CTNNA2: variants seen among roughly 807,000 people sequenced by gnomAD.
The protein encoded by CTNNA2 is catenin alpha 2.
Under a neutral mutation model 101.0 loss-of-function variants are expected in CTNNA2, and 42 were observed. The ratio of observed to expected loss-of-function variants is 0.42; its 90% confidence interval spans 0.32 to 0.54. CTNNA2 has a LOEUF of 0.54. Among genes scored for constraint, CTNNA2 ranks in the 20% least tolerant of loss-of-function variants. CTNNA2 has a pLI of 0.14. For missense variants in CTNNA2, 871 were observed against 1,223.1 expected (o/e 0.71, Z 4.29); for synonymous variants, 450 against 456.4 (o/e 0.99, Z 0.18).
Position 80,303,170 on chromosome 2 carries a change from T to C in CTNNA2, c.1057-90041T>C. On this transcript the variant is annotated intron_variant, in intron 7 of 18. Coordinates refer to ENST00000402739, the MANE Select transcript of CTNNA2 (RefSeq NM_001282597.3). This position sits in a 1 kb window ranked among gnomAD's most constrained non-coding sequence, Gnocchi z 7.7. Reference sequence around the variant, plus strand: ...GTTCACCTTGACCAAGTCGTTGTGCTCGAGGTGCAGCTCGGTGAGCTTAAA... The same window carrying C: ...GTTCACCTTGACCAAGTCGTTGTGCCCGAGGTGCAGCTCGGTGAGCTTAAA... 1 of 1,614,048 alleles carries C rather than the reference T, an allele frequency of 6.2e-7. No homozygotes were observed. Among genetic ancestry groups the C allele is most frequent in the Non-Finnish European group, 8.5e-7 (1 of 1,179,986 alleles).
chr2:79,998,582 G>A (rs1240982320), intron 7 of CTNNA2, among the ~76,000 whole-genome samples: 2 of 152,102 alleles, frequency 1.3e-5, no homozygotes, highest in Non-Finnish European at 2.9e-5. Flanking sequence ...AAAGGCTTTT[G>A]CAAAGATTTG....
intron 2 of CTNNA2, 68 bp downstream of exon 2, chr2:79,651,726 A>T: frequency 7.6e-7 from 1 of 1,310,346 alleles, no homozygotes; most frequent in African/African-American, 1.5e-5. Flanking sequence ...TGACTCTTGG[A>T]AAAACTTAGA....
At chr2:80,248,995 G>T (rs1279608296) in intron 7 of CTNNA2, among the ~76,000 whole-genome samples, 2 of 152,144 alleles carry the variant, frequency 1.3e-5, no homozygotes, top group African/African-American at 4.8e-5. Context: ...CGGTCAGGTG[G>T]CAGAGCCTGA....
chr2:80,214,580 C>G (rs1708129985), intron 7 of CTNNA2, among the ~76,000 whole-genome samples: 1 of 152,180 alleles, frequency 6.6e-6, no homozygotes, highest in Non-Finnish European at 1.5e-5. Flanking sequence ...GCCGAGAGAT[C>G]AGCTGTTAGT....
chr2:79,196,361 A>G (rs549913089), intron 1 of CTNNA2, among the ~76,000 whole-genome samples: 16 of 152,112 alleles, frequency 1.1e-4, no homozygotes, highest in Non-Finnish European at 2.4e-4. Flanking sequence ...CACTCACCCC[A>G]ACCTGCCATT....
At chr2:79,784,068 C>T (rs930823933) in intron 3 of CTNNA2, among the ~76,000 whole-genome samples, 4 of 152,062 alleles carry the variant, frequency 2.6e-5, no homozygotes, top group Non-Finnish European at 4.4e-5. Flanking sequence ...GAATAGATCA[C>T]GGTTTATATG....
chr2:80,402,694 G>C (rs1187162494), intron 8 of CTNNA2, among the ~76,000 whole-genome samples: 1 of 151,062 alleles, frequency 6.6e-6, no homozygotes, highest in African/African-American at 2.4e-5. Context: ...CAGGGCAGAG[G>C]TCTGAACGAG....
chr2:79,210,088 T>TTTTGTGTGTGTG lies in CTNNA2; in HGVS notation c.-406+12013_-406+12014insTTGTGTGTGTGT, dbSNP rs112984318. ...TTTGAGATTACAGAGTCAAGCTATA[T>TTTTGTGTGTGTG]TGTGTGTGTGTGTGTGTGTGTGTGT... On this transcript the variant is annotated intron_variant, in intron 2 of 21. Transcript: ENST00000466387. Among the ~76,000 whole-genome samples the TTTTGTGTGTGTG allele has an allele frequency of 1.2e-3, 176 of 144,884 alleles. 2 individuals carry two copies. Among genetic ancestry groups the TTTTGTGTGTGTG allele is most frequent in the African/African-American group, 4.3e-3 (164 of 38,306 alleles).
intron 7 of CTNNA2, among the ~76,000 whole-genome samples, chr2:80,392,913 G>T (rs538540396): frequency 6.6e-6 from 1 of 152,262 alleles, no homozygotes; most frequent in African/African-American, 2.4e-5. Context: ...AAACATCCTT[G>T]TTATATTAAC....
chr2:80,546,035 C>T lies in CTNNA2; in HGVS notation c.1512C>T (p.Thr504=), dbSNP rs1289917439. 58 of 1,613,918 alleles carry T rather than the reference C, an allele frequency of 3.6e-5. No individual in the cohort carries two copies. In the East Asian group the frequency reaches 1.3e-3, roughly 36 times the overall value. ...TGACAGAGGCCGTGGATGACATCAC[C>T]TCAGTGGATGACTTCCTCTCTGTCT... ...RVLTEAVDDI[T]SVDDFLSVSE... Residue 504 remains threonine, a synonymous_variant, in exon 11 of 19, where the codon ACC becomes ACT. Transcript: ENST00000402739.
rs142430414 is a variant in CTNNA2 at position 79,594,958 on chromosome 2, A to AT, written c.-5-56584dup. On this transcript the variant is annotated intron_variant, in intron 1 of 18. Transcript: ENST00000402739. ...TTTCTTCTTTTTTTCTCTTATATAG[A>AT]TTTTTTTTTTGAAAGATTGTGTTTC... Among the ~76,000 whole-genome samples, 774 of 149,434 alleles carry AT rather than the reference A, an allele frequency of 5.2e-3. 31 individuals are homozygous for AT. The East Asian group carries it at 0.094, about 18-fold the overall frequency.
At chr2:80,584,131 A>G (rs557993273) in intron 14 of CTNNA2, among the ~76,000 whole-genome samples, 1 of 152,288 alleles carries the variant, frequency 6.6e-6, no homozygotes, top group South Asian at 2.1e-4. Flanking sequence ...TTTGACCAGC[A>G]AAGTGTGCTA....
chr2:79,468,691 A>C (rs1670965471), intron 4 of CTNNA2, among the ~76,000 whole-genome samples: 1 of 152,256 alleles, frequency 6.6e-6, no homozygotes, highest in African/African-American at 2.4e-5. Context: ...CTCAGACCAC[A>C]GTGCAATCAA....
intron 12 of CTNNA2, among the ~76,000 whole-genome samples, chr2:80,568,688 T>C (rs373164305): frequency 6.6e-6 from 1 of 151,884 alleles, no homozygotes; most frequent in East Asian, 1.9e-4. Context: ...TGGCAATTAG[T>C]TCTACACTGG....
chr2:79,357,607 C>T (rs1677536658), intron 3 of CTNNA2, among the ~76,000 whole-genome samples: 1 of 152,078 alleles, frequency 6.6e-6, no homozygotes, highest in East Asian at 1.9e-4. Flanking sequence ...TGAAAGACAG[C>T]CAACCAAAGA....
At chr2:80,378,442 T>TATAC (rs2149344740) in intron 7 of CTNNA2, among the ~76,000 whole-genome samples, 1 of 135,196 alleles carries the variant, frequency 7.4e-6, no homozygotes, top group South Asian at 2.3e-4. Context: ...GAACTTGCAG[T>TATAC]ATACACACAC....
At chr2:79,205,750 T>G (rs564995878) in intron 2 of CTNNA2, among the ~76,000 whole-genome samples, 1 of 152,198 alleles carries the variant, frequency 6.6e-6, no homozygotes, top group Non-Finnish European at 1.5e-5. Flanking sequence ...GAAAGGTCAA[T>G]GAAACAGAGC....
At chr2:80,485,880 G>GTT (rs1006179901) in intron 9 of CTNNA2, among the ~76,000 whole-genome samples, 47 of 152,178 alleles carry the variant, frequency 3.1e-4, no homozygotes, top group Admixed American at 7.2e-4. Flanking sequence ...TTTTAATGGT[G>GTT]TTTTATCTTG....
At chr2:79,357,509 T>C (rs954665758) in intron 3 of CTNNA2, among the ~76,000 whole-genome samples, 2 of 152,010 alleles carry the variant, frequency 1.3e-5, no homozygotes, top group Admixed American at 6.6e-5. Context: ...CAATTTAATA[T>C]AAATGTGACT....
Sources: allele counts gnomAD v4.1 joint callset (sites outside exome capture counted in the v4.1 genomes callset), GRCh38; gene constraint gnomAD v4.1.1; non-coding constraint Gnocchi (gnomAD v3.1); transcripts MANE v1.5; gene names NCBI Gene and HGNC (gene_info 2026-07-23, HGNC 2026-07-21).